FAM13B: variants seen among roughly 807,000 people sequenced by gnomAD.
The protein encoded by FAM13B is protein FAM13B.
In FAM13B, 60 loss-of-function variants were observed where a neutral mutation model predicts 117.3. The observed-to-expected ratio is 0.51, with a 90% CI of 0.42 to 0.63. The LOEUF (loss-of-function observed/expected upper bound fraction) is 0.63, where lower values mean the gene tolerates loss of function less well. Ranked by LOEUF, FAM13B falls within the 30% of genes least tolerant of loss-of-function variation. The probability of loss-of-function intolerance (pLI) is 0.00; values close to 1 mark genes in which losing one functional copy is unlikely to be tolerated. For missense variants in FAM13B, 972 were observed against 1,091.9 expected (o/e 0.89, Z 1.55); for synonymous variants, 332 against 356.1 (o/e 0.93, Z 0.76).
At position 138,019,092 on chromosome 5, in the gene FAM13B, G is replaced by C. The variant is rs570412706; in HGVS notation, c.20C>G (p.Pro7Arg). The C allele has an allele frequency of 1.9e-6, 3 of 1,613,982 alleles. No individual in the cohort carries two copies. The highest frequency in any genetic ancestry group is 2.2e-5 in the South Asian group (2 of 91,072). The stretch of plus-strand genomic sequence containing the variant: ...AACGGAGTTGCAGTTACTCAAGGAA[G>C]GGGAGGAGCTCTTCCTCATATCTTT... MRKSSS[P>R]SLSNCNSVLA... Residue 7 changes from proline to arginine, a missense_variant, in exon 3 of 24, where the codon CCT (proline) becomes CGT (arginine). Pro to Arg is a moderately radical substitution (Grantham distance 103). Coordinates refer to ENST00000689681, the MANE Select transcript of FAM13B (RefSeq NM_001385994.1).
intron 7 of FAM13B, among the ~76,000 whole-genome samples, chr5:137,993,726 G>A (rs746983479): frequency 2.0e-5 from 3 of 152,074 alleles, no homozygotes; most frequent in Non-Finnish European, 2.9e-5. Context: ...GGCGGAGGTC[G>A]CAGTGAGCTG....
Position 138,003,985 on chromosome 5 carries a change from C to A in FAM13B, c.848+3005G>T, listed in dbSNP as rs910183460. On this transcript the variant is annotated intron_variant, in intron 7 of 23. Coordinates refer to ENST00000689681, the MANE Select transcript of FAM13B (RefSeq NM_001385994.1). ...AGCTGCAATTAAAGAATCCTAACAACTGGCCAGGCGTGGTAGCTCACACCT... is the reference window on the plus strand; with the variant it reads ...AGCTGCAATTAAAGAATCCTAACAAATGGCCAGGCGTGGTAGCTCACACCT... 3.3e-5 allele frequency among the ~76,000 whole-genome samples: 5 copies of A among 152,230 alleles called. No homozygotes were observed. In the East Asian group the frequency reaches 9.6e-4, roughly 29 times the overall value.
At chr5:138,002,513 AAC>A (rs1487282201) in intron 7 of FAM13B, among the ~76,000 whole-genome samples, 1 of 152,170 alleles carries the variant, frequency 6.6e-6, no homozygotes, top group Non-Finnish European at 1.5e-5. Context: ...CAGCCTGGGC[AAC>A]AGAGTGAAAC....
At chr5:138,011,206 T>C (rs76326779) in intron 5 of FAM13B, 57 bp from the exon 6 acceptor site, 23 of 1,503,972 alleles carry the variant, frequency 1.5e-5, no homozygotes, top group African/African-American at 5.7e-5. Context: ...CAGGTAAAGG[T>C]AGAAGACAAC....
intron 1 of FAM13B, among the ~76,000 whole-genome samples, chr5:138,044,387 A>G (rs1408003570): frequency 6.6e-6 from 1 of 152,072 alleles, no homozygotes; most frequent in African/African-American, 2.4e-5. Context: ...CCCAGTCTCT[A>G]ATAAAAATAC....
upstream of FAM13B, chr5:138,037,195 A>G (rs146469735): frequency 4.2e-4 from 66 of 155,502 alleles, 1 homozygote; most frequent in East Asian, 0.012. Flanking sequence ...AGTGACTGGT[A>G]TAGACCAATC....
At chr5:138,014,750 T>G (rs1417464378) in intron 4 of FAM13B, among the ~76,000 whole-genome samples, 1 of 152,232 alleles carries the variant, frequency 6.6e-6, no homozygotes, top group African/African-American at 2.4e-5. Context: ...ACTATCCACA[T>G]TATCCAAAGT....
intron 7 of FAM13B, among the ~76,000 whole-genome samples, chr5:137,999,715 T>C (rs1780738343): frequency 6.6e-6 from 1 of 152,224 alleles, no homozygotes; most frequent in Non-Finnish European, 1.5e-5. Flanking sequence ...CAGAAATGTA[T>C]TTCTCACAGT....
chr5:137,989,400 C>A (rs1359051297), intron 7 of FAM13B, among the ~76,000 whole-genome samples: 1 of 152,148 alleles, frequency 6.6e-6, no homozygotes, highest in Non-Finnish European at 1.5e-5. Context: ...CACACATAAC[C>A]CCTCCTACAT....
At chr5:137,973,900 A>C (rs1429264984) in intron 10 of FAM13B, among the ~76,000 whole-genome samples, 2 of 145,388 alleles carry the variant, frequency 1.4e-5, no homozygotes, top group African/African-American at 2.6e-5. Context: ...CAAAACCACA[A>C]TGAGATACCA....
At position 138,026,410 on chromosome 5, in the gene FAM13B, G is replaced by A. The variant is rs186586803; in HGVS notation, c.-202-5213C>T. Among the ~76,000 whole-genome samples, 245 of 151,888 alleles carry A rather than the reference G, an allele frequency of 1.6e-3. 1 individual carries two copies. Among genetic ancestry groups the A allele is most frequent in the African/African-American group, 5.7e-3 (235 of 41,386 alleles). ...GGAGGCCGAGGTGGGCAGATCACTC[G>A]AGCTCCAGAGTTCGAGACCAGCCTG... On this transcript the variant is annotated intron_variant, in intron 1 of 23. Coordinates refer to ENST00000689681, the MANE Select transcript of FAM13B (RefSeq NM_001385994.1).
intron 6 of FAM13B, 42 bp from the exon 7 acceptor site, chr5:138,007,189 A>T (rs1348320187): frequency 1.4e-6 from 2 of 1,418,726 alleles, no homozygotes; most frequent in Non-Finnish European, 1.9e-6. Context: ...ATGTAATGAA[A>T]CCGTTAACAC....
At chr5:137,996,736 C>T (rs1302741198) in intron 7 of FAM13B, among the ~76,000 whole-genome samples, 4 of 152,022 alleles carry the variant, frequency 2.6e-5, no homozygotes, top group Admixed American at 2.0e-4. Flanking sequence ...GGATTACAGG[C>T]GCTCACCAAC....
chr5:137,982,333 A>C (rs1455316411), intron 10 of FAM13B, among the ~76,000 whole-genome samples: 1 of 152,138 alleles, frequency 6.6e-6, no homozygotes. Context: ...CAGGCAGATC[A>C]CCTGAGGTCA....
At chr5:137,943,270 A>G in intron 20 of FAM13B, 54 bp from the exon 21 acceptor site, 1 of 1,371,422 alleles carries the variant, frequency 7.3e-7, no homozygotes. Context: ...CAAAGTGTCC[A>G]GTGAAGCTTC....
intron 2 of FAM13B, chr5:138,020,803 C>T (rs1014384940): frequency 2.6e-5 from 6 of 230,280 alleles, no homozygotes; most frequent in Non-Finnish European, 5.0e-5. Context: ...AATGTCACAA[C>T]ATGACTAGGA....
chr5:137,939,282 T>C lies in FAM13B; in HGVS notation c.*943A>G, dbSNP rs1760992552. On this transcript the variant is annotated 3_prime_UTR_variant, in exon 24 of 24. Transcript: ENST00000689681. Reference sequence around the variant, plus strand: ...ATGTGAAAATGCAGTGGTAGAGCCCTTGTTAAGAACAGATTTACTTTAGGC... The same window carrying C: ...ATGTGAAAATGCAGTGGTAGAGCCCCTGTTAAGAACAGATTTACTTTAGGC... 1 of 152,632 alleles carries C rather than the reference T, an allele frequency of 6.6e-6. No homozygotes were observed. The highest frequency in any genetic ancestry group is 6.5e-5 in the Admixed American group (1 of 15,276). 9.5% of individuals were successfully genotyped at this position (152,632 alleles called of 1,614,324 possible).
In FAM13B at chr5:137,939,832, A is replaced by T. The variant is rs1366030058; in HGVS notation, c.*393T>A. On this transcript the variant is annotated 3_prime_UTR_variant, in exon 24 of 24. Transcript: ENST00000689681. ...GAAAAAGGCAACAGAAGAATTCAGT[A>T]TGAAGATTTTCCTCCAATTTTCTTC... 11 of 1,284,828 alleles carry T rather than the reference A, an allele frequency of 8.6e-6. No homozygotes were observed. The highest frequency in any genetic ancestry group is 1.1e-5 in the Non-Finnish European group (11 of 1,017,030). The allele number at this position is 1,284,828 out of a possible 1,614,324, so 79.6% of individuals were successfully genotyped here.
intron 18 of FAM13B, among the ~76,000 whole-genome samples, chr5:137,948,393 GT>G (rs948935185): frequency 2.0e-5 from 3 of 151,842 alleles, no homozygotes; most frequent in Admixed American, 2.0e-4. Context: ...CTGTAGGTCT[GT>G]TTCATGCTTT....
Sources: allele counts gnomAD v4.1 joint callset (sites outside exome capture counted in the v4.1 genomes callset), GRCh38; gene constraint gnomAD v4.1.1; transcripts MANE v1.5; gene names NCBI Gene and HGNC (gene_info 2026-07-23, HGNC 2026-07-21).